EPB42: variants seen among roughly 807,000 people sequenced by gnomAD.
EPB42 encodes protein 4.2.
In EPB42, 49 loss-of-function variants were observed where a neutral mutation model predicts 76.9. The ratio of observed to expected loss-of-function variants is 0.64; its 90% CI spans 0.51 to 0.81. The LOEUF is 0.81. Among genes scored for constraint, EPB42 ranks in the 30% least tolerant of loss-of-function variants. The pLI is 0.00. For synonymous variants in EPB42, 310 were observed against 338.4 expected, an observed-to-expected ratio of 0.92 and a Z score of 0.92; for missense variants, 731 against 867.6, an observed-to-expected ratio of 0.84 and a Z score of 1.98.
chr15:43,206,200 G>C lies in EPB42; in HGVS notation c.1618+130C>G. On this transcript the variant is annotated intron_variant, in intron 10 of 12. Transcript: ENST00000441366. The surrounding 1 kb of genome is among the most constrained non-coding windows in gnomAD (Gnocchi z 4.7). ...AATGAATGAATGAGAGAGAACATGA[G>C]AGTGAGCAGCAGGGGCTCAAAGCCA... The C allele has an allele frequency of 1.1e-6, 1 of 936,302 alleles. No individual in the cohort carries two copies. Among genetic ancestry groups the C allele is most frequent in the Non-Finnish European group, 1.6e-6 (1 of 642,636 alleles). 58.0% of individuals were successfully genotyped at this position (936,302 alleles called of 1,614,324 possible). A position where few individuals can be genotyped will look rare whatever the true frequency, so the allele number is the denominator to read the frequency against.
chr15:43,212,369 CAAAAAAAA>C (rs35031544), intron 3 of EPB42, among the ~76,000 whole-genome samples: 5 of 86,874 alleles, frequency 5.8e-5, no homozygotes, highest in African/African-American at 8.9e-5. Context: ...AACTCCGTCT[CAAAAAAAA>C]AAAAAAAAAG....
At chr15:43,210,243 G>T in intron 5 of EPB42, 92 bp downstream of exon 5, 1 of 1,104,116 alleles carries the variant, frequency 9.1e-7, no homozygotes, top group Non-Finnish European at 1.4e-6. Context: ...TTTGTGATTT[G>T]GGGGTTTCTG....
rs748386021 is a variant in EPB42, at chr15:43,207,191, G to T, written c.1318+8C>A. ...CCGAGAAGCCTGGGGCCCTTCCCTG[G>T]CCCGTACCTTCAGGATACTTGTAGT... is the stretch of plus-strand genomic sequence containing the variant. On this transcript the variant is annotated splice_region_variant and intron_variant, in intron 9 of 12. Coordinates refer to ENST00000441366, the MANE Select transcript of EPB42 (RefSeq NM_001114134.2). The T allele has an allele frequency of 1.2e-6, 2 of 1,613,738 alleles. No individual in the cohort carries two copies. The highest frequency in any genetic ancestry group is 1.7e-6 in the Non-Finnish European group (2 of 1,179,774).
chr15:43,225,257 C>G (rs1283655727), upstream of EPB42, among the ~76,000 whole-genome samples: 1 of 152,180 alleles, frequency 6.6e-6, no homozygotes, highest in African/African-American at 2.4e-5. Context: ...AGGCTTTTTT[C>G]TATATACCCT....
chr15:43,219,748 C>A (rs559391322), intron 1 of EPB42, among the ~76,000 whole-genome samples: 1 of 152,134 alleles, frequency 6.6e-6, no homozygotes, highest in Non-Finnish European at 1.5e-5. Context: ...AGATCGAGAC[C>A]ATCCTGGCCA....
intron 5 of EPB42, among the ~76,000 whole-genome samples, chr15:43,209,898 T>C (rs76808379): frequency 0.045 from 6,919 of 152,310 alleles, 530 homozygotes; most frequent in African/African-American, 0.15. Context: ...ATGACTCCTC[T>C]GAGAGGATTT....
intron 10 of EPB42, among the ~76,000 whole-genome samples, chr15:43,204,426 G>T (rs993134719): frequency 2.0e-5 from 3 of 151,824 alleles, no homozygotes; most frequent in Non-Finnish European, 4.4e-5. Flanking sequence ...CTCTTTGTTG[G>T]CCCCCCTGTG....
At chr15:43,223,415 A>G (rs1009957063), upstream of EPB42, among the ~76,000 whole-genome samples, 2 of 152,226 alleles carry the variant, frequency 1.3e-5, no homozygotes, top group African/African-American at 4.8e-5. Flanking sequence ...ATGCCTATAA[A>G]TCAATAAGAA....
chr15:43,202,172 A>G (rs897888334), intron 11 of EPB42, among the ~76,000 whole-genome samples, 195 bp from the exon 12 acceptor site: 11 of 151,972 alleles, frequency 7.2e-5, no homozygotes, highest in African/African-American at 2.7e-4. Context: ...TTCACTGATG[A>G]TTTCTGATGT....
At chr15:43,202,875 A>G (rs530657330) in intron 11 of EPB42, among the ~76,000 whole-genome samples, 5 of 152,224 alleles carry the variant, frequency 3.3e-5, no homozygotes, top group Non-Finnish European at 7.3e-5. Flanking sequence ...TGTAGGTAGG[A>G]GGCAGTAACT....
At chr15:43,221,126 G>C (rs1015764771), upstream of EPB42, 12 of 422,524 alleles carry the variant, frequency 2.8e-5, no homozygotes, top group Non-Finnish European at 5.3e-5. Context: ...AGCCCTGGGG[G>C]AGGGGGTGGG....
At chr15:43,210,884 A>G (rs1348992242) in intron 4 of EPB42, among the ~76,000 whole-genome samples, 1 of 152,192 alleles carries the variant, frequency 6.6e-6, no homozygotes, top group Non-Finnish European at 1.5e-5. Context: ...TAGATTACAG[A>G]GCACAGCAGC....
chr15:43,224,190 C>G (rs1443755094), upstream of EPB42, among the ~76,000 whole-genome samples: 1 of 152,132 alleles, frequency 6.6e-6, no homozygotes. Flanking sequence ...TGTGTCCACG[C>G]GGAAAGAGAA....
At chr15:43,205,530 G>C (rs2042189593) in intron 10 of EPB42, among the ~76,000 whole-genome samples, 1 of 152,100 alleles carries the variant, frequency 6.6e-6, no homozygotes, top group Admixed American at 6.5e-5. Context: ...CTCCCCAGTA[G>C]CTGGGATTAC....
intron 8 of EPB42, 82 bp from the exon 9 acceptor site, chr15:43,207,523 T>A: frequency 6.3e-7 from 1 of 1,595,604 alleles, no homozygotes; most frequent in Admixed American, 1.7e-5. Flanking sequence ...TCAGTCCCCA[T>A]CCTCTAGCCT....
chr15:43,217,713 T>C (rs1433728268), intron 1 of EPB42, among the ~76,000 whole-genome samples: 1 of 152,128 alleles, frequency 6.6e-6, no homozygotes, highest in Non-Finnish European at 1.5e-5. Flanking sequence ...CTCACAGGTA[T>C]GAAATGAGGT....
In EPB42 at chr15:43,209,366, C is replaced by T. The variant is rs1460666975; in HGVS notation, c.740G>A (p.Gly247Asp). The T allele has an allele frequency of 1.9e-6, 3 of 1,613,974 alleles. No homozygotes were observed. The highest frequency in any genetic ancestry group is 2.5e-6 in the Non-Finnish European group (3 of 1,180,016). The change falls in exon 6 of 13, where the codon GGC becomes GAC. Residue 247 changes from glycine (G) to aspartate (D), a missense_variant. By Grantham distance (94) the Gly-to-Asp change is moderately conservative (BLOSUM62 -1). Transcript: ENST00000441366. ...CCACTGCCGCAGGATGGGCACGCTG[C>T]CCCGGCGCTTGTTCAGCAAGGCCCC... ...QEGALLNKRR[G>D]SVPILRQWLT...
At chr15:43,202,455 GC>G (rs938554320) in intron 11 of EPB42, among the ~76,000 whole-genome samples, 15 of 152,176 alleles carry the variant, frequency 9.9e-5, no homozygotes, top group African/African-American at 3.4e-4. Context: ...ATTTTTCAAG[GC>G]CCAGCATAGA....
chr15:43,215,766 G>A (rs1010364101), intron 2 of EPB42, among the ~76,000 whole-genome samples: 1 of 152,098 alleles, frequency 6.6e-6, no homozygotes, highest in Non-Finnish European at 1.5e-5. Flanking sequence ...GCACGATCTC[G>A]GCTCATTGCA....
Sources: allele counts gnomAD v4.1 joint callset (sites outside exome capture counted in the v4.1 genomes callset), GRCh38; gene constraint gnomAD v4.1.1; non-coding constraint Gnocchi (gnomAD v3.1); transcripts MANE v1.5; gene names NCBI Gene and HGNC (gene_info 2026-07-23, HGNC 2026-07-21).